ESR2: variants seen among roughly 807,000 people sequenced by gnomAD.
ESR2 encodes estrogen receptor 2, also known as estrogen receptor beta.
A neutral mutation model predicts 49.6 loss-of-function variants in ESR2; 36 were observed. The observed-to-expected ratio is 0.73, with a 90% CI of 0.56 to 0.96. The LOEUF (loss-of-function observed/expected upper bound fraction) is 0.96. Among genes scored for constraint, ESR2 ranks in the 40% least tolerant of loss-of-function variants. The pLI, the probability that ESR2 is intolerant of heterozygous loss-of-function variation, is 0.00. For missense variants in ESR2, 714 were observed against 693.0 expected, an observed-to-expected ratio of 1.03 and a Z score of -0.34; for synonymous variants, 320 against 266.1, an observed-to-expected ratio of 1.20 and a Z score of -1.97.
chr14:64,282,024 A>G (rs1173903008), intron 2 of ESR2, among the ~76,000 whole-genome samples: 4 of 152,222 alleles, frequency 2.6e-5, no homozygotes, highest in African/African-American at 9.6e-5. Flanking sequence ...TCATTTTTCA[A>G]ATCCAAATAA....
In ESR2 at chr14:64,249,621, T is replaced by C. The variant is rs756507443; in HGVS notation, c.1150A>G (p.Thr384Ala). 2.5e-6 allele frequency: 4 copies of C among 1,613,828 alleles called. No homozygotes were observed. The Admixed American group carries it at 6.7e-5, about 27-fold the overall frequency. The change falls in exon 7 of 9, where the codon ACT (threonine) becomes GCT (alanine). Residue 384 changes from threonine (T) to alanine (A), a missense_variant. Thr to Ala is a moderately conservative substitution (Grantham distance 58, BLOSUM62 0). Coordinates refer to ENST00000341099, the MANE Select transcript of ESR2 (RefSeq NM_001437.3). ...AGTTTTAACTCTCGAAACCTTGAAGTAGTTGCCAGGAGCATGTCAAAGATT... is the reference window on the plus strand; with the variant it reads ...AGTTTTAACTCTCGAAACCTTGAAGCAGTTGCCAGGAGCATGTCAAAGATT... ...LEIFDMLLATTSRFRELKLQH... is the reference protein window; with the variant it reads ...LEIFDMLLATASRFRELKLQH...
chr14:64,238,535 T>C (rs2075654739), intron 7 of ESR2, among the ~76,000 whole-genome samples: 1 of 152,068 alleles, frequency 6.6e-6, no homozygotes, highest in South Asian at 2.1e-4. Context: ...ACATCCATGC[T>C]CAGGCCCTTG....
At chr14:64,281,167 G>C (rs1356470817) in intron 2 of ESR2, among the ~76,000 whole-genome samples, 1 of 152,138 alleles carries the variant, frequency 6.6e-6, no homozygotes, top group Admixed American at 6.6e-5. Flanking sequence ...GCCTGGCCTG[G>C]AAAGGCTTGG....
intron 7 of ESR2, among the ~76,000 whole-genome samples, chr14:64,238,817 T>C (rs1409307487): frequency 1.3e-5 from 2 of 149,256 alleles, no homozygotes; most frequent in Non-Finnish European, 1.5e-5. Flanking sequence ...CCAAAGAAAG[T>C]GAAATAAAAT....
chr14:64,297,317 G>A (rs1201061433), upstream of ESR2, among the ~76,000 whole-genome samples: 2 of 152,200 alleles, frequency 1.3e-5, no homozygotes, highest in African/African-American at 4.8e-5. Context: ...GATGTCACCT[G>A]GGAAAGCAAA....
intron 1 of ESR2, among the ~76,000 whole-genome samples, chr14:64,323,595 T>C (rs2077351508): frequency 6.6e-6 from 1 of 152,240 alleles, no homozygotes; most frequent in Non-Finnish European, 1.5e-5. Context: ...ATTATTTCCA[T>C]ACACATATTC....
In ESR2 at chr14:64,232,071, T is replaced by C. The variant is rs1339035168; in HGVS notation, c.*1066A>G. The C allele has an allele frequency of 2.6e-5, 4 of 152,206 alleles. No homozygotes were observed. The highest frequency in any genetic ancestry group is 2.0e-4 in the Admixed American group (3 of 15,280). The allele number at this position is 152,206 out of a possible 1,614,324, so 9.4% of individuals were successfully genotyped here. ...AGGAGAGTTCACAAACTGGGTCTTG[T>C]TCAAGGGGCGTACTCATCAAGGCTA... is the stretch of plus-strand genomic sequence containing the variant. On this transcript the variant is annotated 3_prime_UTR_variant, in exon 9 of 9. Transcript: ENST00000341099.
chr14:64,334,940 G>A (rs1055781164), intron 1 of ESR2, among the ~76,000 whole-genome samples: 6 of 152,180 alleles, frequency 3.9e-5, no homozygotes, highest in African/African-American at 1.2e-4. Context: ...GAGCTACCAC[G>A]CCCAGCCTGT....
chr14:64,232,860 A>G lies in ESR2; in HGVS notation c.*277T>C. On this transcript the variant is annotated 3_prime_UTR_variant, in exon 9 of 9. Coordinates refer to ENST00000341099, the MANE Select transcript of ESR2 (RefSeq NM_001437.3). ...GATGTTTCACAAAGGGGAGGAAGGAAGAAGGAAAGTAAGAAAGACCACACT... is the reference window on the plus strand; with the variant it reads ...GATGTTTCACAAAGGGGAGGAAGGAGGAAGGAAAGTAAGAAAGACCACACT... 1 of 395,360 alleles carries G rather than the reference A, an allele frequency of 2.5e-6. No homozygotes were observed. The highest frequency in any genetic ancestry group is 4.4e-5 in the East Asian group (1 of 22,824). 24.5% of individuals were successfully genotyped at this position (395,360 alleles called of 1,614,324 possible).
At chr14:64,254,826 CA>C (rs573433154) in intron 6 of ESR2, among the ~76,000 whole-genome samples, 346 of 133,704 alleles carry the variant, frequency 2.6e-3, no homozygotes, top group East Asian at 6.4e-3. Flanking sequence ...GTAGTCATTC[CA>C]AAAAAAAAAA....
intron 1 of ESR2, among the ~76,000 whole-genome samples, chr14:64,335,055 T>C (rs1437572231): frequency 6.6e-6 from 1 of 152,218 alleles, no homozygotes; most frequent in Non-Finnish European, 1.5e-5. Flanking sequence ...TACCTAGCAC[T>C]GGGGATATAA....
chr14:64,287,391 T>C (rs966020323), intron 1 of ESR2, among the ~76,000 whole-genome samples: 3 of 152,198 alleles, frequency 2.0e-5, no homozygotes, highest in African/African-American at 4.8e-5. Context: ...ATCTCACATC[T>C]CAACATATCA....
intron 1 of ESR2, chr14:64,332,312 T>C (rs2077469765): frequency 1.3e-5 from 2 of 152,194 alleles, no homozygotes; most frequent in Non-Finnish European, 1.5e-5. Flanking sequence ...CTTTTAAAAG[T>C]GATCTGCGAA....
At chr14:64,259,312 T>C (rs2076164420) in intron 5 of ESR2, among the ~76,000 whole-genome samples, 1 of 152,214 alleles carries the variant, frequency 6.6e-6, no homozygotes, top group South Asian at 2.1e-4. Context: ...CCCCAGGCTC[T>C]TTACCCAAAA....
intron 1 of ESR2, among the ~76,000 whole-genome samples, chr14:64,322,516 AG>A (rs1156919176): frequency 0.062 from 8,509 of 136,794 alleles, 308 homozygotes; most frequent in Non-Finnish European, 0.077. Context: ...CTCCACAGAA[AG>A]GAAAAAAAAA....
intron 1 of ESR2, among the ~76,000 whole-genome samples, chr14:64,332,903 G>A (rs911761285): frequency 4.5e-5 from 6 of 132,636 alleles, no homozygotes; most frequent in Admixed American, 8.2e-5. Flanking sequence ...ACAGAGTCTC[G>A]CTCTGTCGCC....
chr14:64,315,243 C>CAAAAAAAAAAAAAAAAAAAAAAAA (rs201805001), intron 1 of ESR2, among the ~76,000 whole-genome samples: 1 of 46,800 alleles, frequency 2.1e-5, no homozygotes. Flanking sequence ...GAGTCTGTCT[C>CAAAAAAAAAAAAAAAAAAAAAAAA]AAAAAAAAAA....
intron 1 of ESR2, among the ~76,000 whole-genome samples, chr14:64,288,401 T>TGCA (rs1005015586): frequency 6.8e-6 from 1 of 148,066 alleles, no homozygotes; most frequent in African/African-American, 2.5e-5. Flanking sequence ...CAGGCTGGAG[T>TGCA]GCAGTGGTGC....
At chr14:64,268,044 C>G (rs1030547657) in intron 4 of ESR2, among the ~76,000 whole-genome samples, 1 of 152,160 alleles carries the variant, frequency 6.6e-6, no homozygotes, top group East Asian at 1.9e-4. Context: ...TATAAACAAG[C>G]AAGTGAGTAC....
Sources: allele counts gnomAD v4.1 joint callset (sites outside exome capture counted in the v4.1 genomes callset), GRCh38; gene constraint gnomAD v4.1.1; transcripts MANE v1.5; gene names NCBI Gene and HGNC (gene_info 2026-07-23, HGNC 2026-07-21).